Variants in PTPRT observed in about 807,000 individuals in gnomAD.
The protein encoded by PTPRT is receptor-type tyrosine-protein phosphatase T.
In PTPRT, 56 loss-of-function variants were observed where a neutral mutation model predicts 176.8. That is an observed-to-expected ratio of 0.32 (90% CI 0.26 to 0.40). The LOEUF is 0.40. Among genes scored for constraint, PTPRT ranks in the 10% least tolerant of loss-of-function variants. The probability of loss-of-function intolerance (pLI) is 1.00; values close to 1 mark genes in which losing one functional copy is unlikely to be tolerated. For synonymous variants in PTPRT, 783 were observed against 739.0 expected (o/e 1.06, Z -0.96); for missense variants, 1,540 against 1,908.2 (o/e 0.81, Z 3.60).
At chr20:43,137,806 G>A (rs891142895) in intron 1 of PTPRT, among the ~76,000 whole-genome samples, 3 of 152,020 alleles carry the variant, frequency 2.0e-5, no homozygotes, top group East Asian at 1.9e-4. Context: ...ACATGCACAC[G>A]CAAGCTGAGT....
chr20:43,147,091 T>C (rs867135062), intron 1 of PTPRT, among the ~76,000 whole-genome samples: 14 of 152,136 alleles, frequency 9.2e-5, no homozygotes, highest in African/African-American at 3.4e-4. Context: ...CCAAGCATGT[T>C]CTACCTCATG....
At chr20:42,644,408 C>T (rs2074838832) in intron 7 of PTPRT, among the ~76,000 whole-genome samples, 1 of 152,150 alleles carries the variant, frequency 6.6e-6, no homozygotes. Context: ...CCTTCCAGGT[C>T]TTGGGCACTG....
chr20:43,085,718 C>G (rs545536655), intron 1 of PTPRT, among the ~76,000 whole-genome samples: 1 of 152,210 alleles, frequency 6.6e-6, no homozygotes, highest in African/African-American at 2.4e-5. Flanking sequence ...GAAAAACCCT[C>G]CCCCATGATT....
At chr20:42,046,676 A>T in the PTPRT span, among the ~76,000 whole-genome samples, 18 of 152,274 alleles carry the variant, frequency 1.2e-4, no homozygotes, top group African/African-American at 3.6e-4. Context: ...TCCAGTGCAG[A>T]GTCTGTAATT....
At chr20:42,364,221 C>T (rs941368299) in intron 9 of PTPRT, among the ~76,000 whole-genome samples, 1 of 152,142 alleles carries the variant, frequency 6.6e-6, no homozygotes. Context: ...AGAAATCCAT[C>T]GATCACGTAA....
intron 1 of PTPRT, among the ~76,000 whole-genome samples, chr20:42,891,666 T>C (rs913870149): frequency 1.4e-4 from 22 of 152,210 alleles, no homozygotes; most frequent in African/African-American, 5.3e-4. Flanking sequence ...TCAATAAAAA[T>C]ATAAATGTGT....
chr20:42,934,971 G>T (rs1318998861), intron 1 of PTPRT, among the ~76,000 whole-genome samples: 3 of 150,674 alleles, frequency 2.0e-5, no homozygotes, highest in African/African-American at 7.3e-5. Flanking sequence ...CAGCTATTCA[G>T]GAGGCTGAGG....
At chr20:42,886,588 T>G (rs1452655284) in intron 1 of PTPRT, among the ~76,000 whole-genome samples, 1 of 152,254 alleles carries the variant, frequency 6.6e-6, no homozygotes, top group Non-Finnish European at 1.5e-5. Flanking sequence ...TAGACAATCA[T>G]GCACCTGGAA....
chr20:42,653,845 C>T (rs908397357), intron 7 of PTPRT, among the ~76,000 whole-genome samples: 1 of 152,110 alleles, frequency 6.6e-6, no homozygotes, highest in African/African-American at 2.4e-5. Flanking sequence ...ATTTTTTGAA[C>T]AGTAAATTTG....
intron 9 of PTPRT, among the ~76,000 whole-genome samples, chr20:42,421,956 G>C (rs768844874): frequency 1.3e-5 from 2 of 152,130 alleles, no homozygotes; most frequent in African/African-American, 2.4e-5. Flanking sequence ...AATGTGAAAA[G>C]GATTCCCTAT....
chr20:42,293,815 C>A (rs2057350749), intron 12 of PTPRT, among the ~76,000 whole-genome samples: 1 of 152,140 alleles, frequency 6.6e-6, no homozygotes, highest in Non-Finnish European at 1.5e-5. Flanking sequence ...ATTAAGCAAA[C>A]AACCTAGGAG....
At chr20:42,230,379 A>C (rs1404333167) in intron 15 of PTPRT, among the ~76,000 whole-genome samples, 2 of 152,222 alleles carry the variant, frequency 1.3e-5, no homozygotes, top group Non-Finnish European at 2.9e-5. Flanking sequence ...TACTACAGTA[A>C]AATACCTCTG....
intron 16 of PTPRT, among the ~76,000 whole-genome samples, chr20:42,182,300 G>A (rs569304993): frequency 1.2e-4 from 18 of 152,272 alleles, no homozygotes; most frequent in African/African-American, 3.9e-4. Flanking sequence ...TGAAGAACAC[G>A]CTAGGCAAAT....
chr20:42,605,167 G>T (rs2073853342), intron 7 of PTPRT, among the ~76,000 whole-genome samples: 1 of 152,200 alleles, frequency 6.6e-6, no homozygotes, highest in African/African-American at 2.4e-5. Context: ...TCAGAATCCA[G>T]TTAGACCTGC....
intron 19 of PTPRT, 26 bp from the exon 20 acceptor site, chr20:42,119,997 G>A (rs1987502756): frequency 1.9e-6 from 3 of 1,598,788 alleles, no homozygotes; most frequent in African/African-American, 1.4e-5. Flanking sequence ...AAAGCACTGT[G>A]AAGAGTCTGT....
At chr20:43,153,081 G>C (rs1386387809) in intron 1 of PTPRT, among the ~76,000 whole-genome samples, 1 of 152,140 alleles carries the variant, frequency 6.6e-6, no homozygotes, top group Non-Finnish European at 1.5e-5. Context: ...TAAGACCAAG[G>C]GGCATTTACC....
At chr20:42,975,892 TA>T (rs920792134) in intron 1 of PTPRT, among the ~76,000 whole-genome samples, 2 of 147,682 alleles carry the variant, frequency 1.4e-5, no homozygotes, top group Non-Finnish European at 3.0e-5. Context: ...AATTAAAAAT[TA>T]AAAAAAACTA....
chr20:42,062,724 C>G, the PTPRT span, among the ~76,000 whole-genome samples: 4 of 152,234 alleles, frequency 2.6e-5, no homozygotes, highest in South Asian at 8.3e-4. Context: ...GGGCCCTTCC[C>G]TAGCCTTTGG....
At chr20:43,050,253 G>C (rs1334728494) in intron 1 of PTPRT, among the ~76,000 whole-genome samples, 1 of 152,218 alleles carries the variant, frequency 6.6e-6, no homozygotes, top group Non-Finnish European at 1.5e-5. Flanking sequence ...TGCCTGGAAG[G>C]AGGGCTGTGG....
Sources: gnomAD v4.1 joint callset for allele counts (sites outside exome capture counted in the v4.1 genomes callset) on GRCh38, gnomAD v4.1.1 for gene constraint, MANE v1.5 for transcripts, NCBI Gene and HGNC (gene_info 2026-07-23, HGNC 2026-07-21) for gene names.